ADGRD1: variants seen among roughly 807,000 people sequenced by gnomAD.
ADGRD1 encodes the protein adhesion G protein-coupled receptor D1.
ADGRD1 carries 77 observed loss-of-function variants against 113.4 expected under a neutral mutation model. The ratio of observed to expected loss-of-function variants is 0.68; its 90% CI spans 0.57 to 0.82. The LOEUF is 0.82. Ranked by LOEUF, ADGRD1 falls within the 40% of genes least tolerant of loss-of-function variation. The pLI is 0.00. For missense variants in ADGRD1, 1,036 were observed against 1,139.1 expected, an observed-to-expected ratio of 0.91 and a Z score of 1.30; for synonymous variants, 474 against 475.0, an observed-to-expected ratio of 1.00 and a Z score of 0.03.
chr12:130,966,857 C>T lies in ADGRD1; in HGVS notation c.187+311C>T. ...GCTGGTCTCAAGCTCCTGGCCTCAG[C>T]AATCCTCTGGCCTTGGCCTCCCAAA... On this transcript the variant is annotated intron_variant, in intron 3 of 24. Coordinates refer to ENST00000261654, the MANE Select transcript of ADGRD1 (RefSeq NM_198827.5). This position sits in a 1 kb window ranked among gnomAD's most constrained non-coding sequence, Gnocchi z 4.6. 1.4e-5 allele frequency: 6 copies of T among 420,340 alleles called. No individual in the cohort carries two copies. Among genetic ancestry groups the T allele is most frequent in the South Asian group, 1.1e-4 (6 of 52,404 alleles). The allele number at this position is 420,340 out of a possible 1,614,324, so 26.0% of individuals were successfully genotyped here.
rs1873412910 is a variant in ADGRD1 at position 130,984,694 on chromosome 12, T to C, written c.491-2401T>C. On this transcript the variant is annotated intron_variant, in intron 5 of 24. Transcript: ENST00000261654. This position sits in a 1 kb window ranked among gnomAD's most constrained non-coding sequence, Gnocchi z 4.1. ...TTTGCTCTCGGTGTTGTACATTCTA[T>C]GGGTTGGTGAGGTTGATCTTTCGCC... Among the ~76,000 whole-genome samples the C allele has an allele frequency of 6.6e-6, 1 of 152,128 alleles. No individual in the cohort carries two copies. Among genetic ancestry groups the C allele is most frequent in the South Asian group, 2.1e-4 (1 of 4,802 alleles).
At chr12:131,100,468 T>C (rs1189964101) in intron 15 of ADGRD1, among the ~76,000 whole-genome samples, 2 of 152,058 alleles carry the variant, frequency 1.3e-5, no homozygotes, top group African/African-American at 4.8e-5. Flanking sequence ...TTAAGGTTGG[T>C]TGATGGTGGA....
intron 12 of ADGRD1, among the ~76,000 whole-genome samples, chr12:131,012,976 G>A (rs1433282294): frequency 6.6e-6 from 1 of 152,218 alleles, no homozygotes; most frequent in East Asian, 1.9e-4. Flanking sequence ...CAGATACTTG[G>A]TGACCTGCTG....
intron 4 of ADGRD1, 111 bp from the exon 5 acceptor site, chr12:130,981,773 T>C (rs1873022521): frequency 6.9e-6 from 5 of 728,966 alleles, no homozygotes; most frequent in South Asian, 1.9e-5. Flanking sequence ...GCCTTTAGAA[T>C]GGGGACAAAA....
intron 13 of ADGRD1, among the ~76,000 whole-genome samples, chr12:131,053,305 C>T (rs754614505): frequency 1.1e-4 from 16 of 152,378 alleles, no homozygotes; most frequent in Middle Eastern, 3.4e-3. Context: ...TTGCACCCTG[C>T]TTTCTTCACG....
chr12:131,137,025 T>A lies in ADGRD1; in HGVS notation c.2436+11T>A. ...CTCCTGAATTCAGAGGTACGTCCGC[T>A]CTGCTTGCTGGCAGGTGCAGGTGCA... On this transcript the variant is annotated intron_variant, in intron 23 of 24. Coordinates refer to ENST00000261654, the MANE Select transcript of ADGRD1 (RefSeq NM_198827.5). 6.2e-7 allele frequency: 1 copy of A among 1,608,710 alleles called. No homozygotes were observed.
chr12:131,137,452 A>G (rs1880842), intron 23 of ADGRD1, among the ~76,000 whole-genome samples: 104,553 of 152,204 alleles, frequency 0.69, 36,218 homozygotes, highest in Middle Eastern at 0.79. Flanking sequence ...GGCACCTGCC[A>G]TGTACTTGGC....
chr12:131,037,287 T>C (rs76378153), intron 13 of ADGRD1, among the ~76,000 whole-genome samples: 4 of 138,336 alleles, frequency 2.9e-5, no homozygotes, highest in Admixed American at 7.4e-5. Context: ...CTGCACTGGG[T>C]CTCACTCACT....
At chr12:131,058,897 T>C (rs909822848) in intron 13 of ADGRD1, among the ~76,000 whole-genome samples, 2 of 152,230 alleles carry the variant, frequency 1.3e-5, no homozygotes, top group Non-Finnish European at 2.9e-5. Flanking sequence ...TCTGTGTGTT[T>C]ATATGTTTTG....
intron 13 of ADGRD1, among the ~76,000 whole-genome samples, chr12:131,056,755 G>T (rs1271104008): frequency 1.3e-5 from 2 of 152,344 alleles, no homozygotes; most frequent in African/African-American, 4.8e-5. Flanking sequence ...GGAAGACCCC[G>T]TGGGGATAAT....
intron 6 of ADGRD1, chr12:130,988,379 T>G (rs545099896): frequency 9.7e-4 from 148 of 152,332 alleles, no homozygotes; most frequent in African/African-American, 3.5e-3. Flanking sequence ...ATGTAGGCAC[T>G]CACAAACATG....
intron 5 of ADGRD1, among the ~76,000 whole-genome samples, chr12:130,982,520 C>T (rs1873133153): frequency 6.6e-6 from 1 of 152,228 alleles, no homozygotes; most frequent in Admixed American, 6.5e-5. Context: ...GTCTCTTCCT[C>T]TTTCTCTTCC....
At chr12:131,136,890 C>T in intron 22 of ADGRD1, 83 bp from the exon 23 acceptor site, 2 of 1,146,722 alleles carry the variant, frequency 1.7e-6, no homozygotes, top group African/African-American at 1.5e-5. Flanking sequence ...AGTGCCACTC[C>T]CAGGCTGCAT....
At chr12:131,065,037 TTGTA>T (rs1884606440) in intron 13 of ADGRD1, among the ~76,000 whole-genome samples, 1 of 152,222 alleles carries the variant, frequency 6.6e-6, no homozygotes, top group Non-Finnish European at 1.5e-5. Context: ...TCCTCTCTCT[TTGTA>T]TGTATTTACC....
chr12:131,016,492 A>G (rs73475023), intron 13 of ADGRD1, among the ~76,000 whole-genome samples: 7,749 of 152,350 alleles, frequency 0.051, 491 homozygotes, highest in African/African-American at 0.16. Flanking sequence ...TGCACTCCAC[A>G]GGCTCAGCCT....
At chr12:130,964,976 A>C (rs932222556) in intron 2 of ADGRD1, among the ~76,000 whole-genome samples, 1 of 152,208 alleles carries the variant, frequency 6.6e-6, no homozygotes, top group Non-Finnish European at 1.5e-5. Flanking sequence ...CAAATTTTCT[A>C]ATACTCATAG....
chr12:131,002,423 C>A, intron 9 of ADGRD1: 1 of 736,082 alleles, frequency 1.4e-6, no homozygotes, highest in Non-Finnish European at 1.7e-6. Flanking sequence ...CATTCTATTT[C>A]CAGCTCATGA....
chr12:130,984,812 CCTCCCTCCCTT>C lies in ADGRD1; in HGVS notation c.491-2281_491-2271del, dbSNP rs778795177. Reference sequence around the variant, plus strand: ...TTTTCCTTCTTTCCCTCCCTCCCTTCCTCCCTCCCTTCCTTCCTTCCTTCTTGCCTTCCATC... The same window carrying C: ...TTTTCCTTCTTTCCCTCCCTCCCTTCCCTTCCTTCCTTCTTGCCTTCCATC... On this transcript the variant is annotated intron_variant, in intron 5 of 24. Transcript: ENST00000261654. The surrounding 1 kb of genome is among the most constrained non-coding windows in gnomAD (Gnocchi z 4.1). Among the ~76,000 whole-genome samples the C allele has an allele frequency of 7.0e-6, 1 of 141,936 alleles. No individual in the cohort carries two copies. The highest frequency in any genetic ancestry group is 1.6e-5 in the Non-Finnish European group (1 of 62,768). 93.1% of individuals were successfully genotyped at this position (141,936 alleles called of 152,430 possible). A position where few individuals can be genotyped will look rare whatever the true frequency, so the allele number is the denominator to read the frequency against.
chr12:131,005,018 G>A (rs966964345), intron 11 of ADGRD1, among the ~76,000 whole-genome samples: 2 of 152,196 alleles, frequency 1.3e-5, no homozygotes, highest in Non-Finnish European at 2.9e-5. Context: ...ACCCTGGCCA[G>A]AGGCCACGCC....
Sources: allele counts gnomAD v4.1 joint callset (sites outside exome capture counted in the v4.1 genomes callset), GRCh38; gene constraint gnomAD v4.1.1; non-coding constraint Gnocchi (gnomAD v3.1); transcripts MANE v1.5; gene names NCBI Gene and HGNC (gene_info 2026-07-23, HGNC 2026-07-21).